TAB2: variants seen among roughly 807,000 people sequenced by gnomAD.
The protein encoded by TAB2 is TGF-beta activated kinase 1 (MAP3K7) binding protein 2, also known as TGF-beta-activated kinase 1 and MAP3K7-binding protein 2.
TAB2 carries 3 observed loss-of-function variants against 65.0 expected under a neutral mutation model. That is an observed-to-expected ratio of 0.05 (90% CI 0.02 to 0.12). The LOEUF (loss-of-function observed/expected upper bound fraction) is 0.12, where lower values mean the gene tolerates loss of function less well. Among genes scored for constraint, TAB2 ranks in the 10% least tolerant of loss-of-function variants. The pLI is 1.00. For missense variants in TAB2, 623 were observed against 840.3 expected, an observed-to-expected ratio of 0.74 and a Z score of 3.20; for synonymous variants, 298 against 285.1, an observed-to-expected ratio of 1.05 and a Z score of -0.46.
At chr6:149,407,872 A>G (rs1312711679) in intron 6 of TAB2, among the ~76,000 whole-genome samples, 1 of 152,082 alleles carries the variant, frequency 6.6e-6, no homozygotes, top group Non-Finnish European at 1.5e-5. Context: ...TAGATCCCTT[A>G]TTGATTGCCT....
At chr6:149,231,942 C>T (rs1562381297) in intron 1 of TAB2, among the ~76,000 whole-genome samples, 1 of 152,176 alleles carries the variant, frequency 6.6e-6, no homozygotes, top group Non-Finnish European at 1.5e-5. Context: ...GCTCCCTACC[C>T]AGAGCAACGG....
At chr6:149,274,839 T>C (rs923881061) in intron 1 of TAB2, among the ~76,000 whole-genome samples, 3 of 152,060 alleles carry the variant, frequency 2.0e-5, no homozygotes, top group Non-Finnish European at 4.4e-5. Context: ...CATAGAGCAT[T>C]AGAACCGAAG....
chr6:149,303,328 C>T (rs1018720752), intron 1 of TAB2, among the ~76,000 whole-genome samples: 15 of 152,348 alleles, frequency 9.8e-5, no homozygotes, highest in Admixed American at 9.8e-4. Context: ...GAAAAACTGT[C>T]TTCCACAAAA....
chr6:149,307,522 C>G (rs987115921), intron 1 of TAB2, among the ~76,000 whole-genome samples: 3 of 152,138 alleles, frequency 2.0e-5, no homozygotes, highest in Non-Finnish European at 4.4e-5. Flanking sequence ...CTCAAGATTT[C>G]TTTTTCTTCA....
chr6:149,309,252 C>T (rs1449498929), intron 1 of TAB2, among the ~76,000 whole-genome samples: 1 of 147,850 alleles, frequency 6.8e-6, no homozygotes, highest in African/African-American at 2.5e-5. Flanking sequence ...ACTTCATGTG[C>T]AAAGCCTTTA....
chr6:149,337,017 A>G (rs1372578575), intron 1 of TAB2, among the ~76,000 whole-genome samples: 1 of 152,176 alleles, frequency 6.6e-6, no homozygotes, highest in Non-Finnish European at 1.5e-5. Flanking sequence ...GACTACAGTA[A>G]TATTAGCAGT....
Position 149,409,588 on chromosome 6 carries a change from A to G in TAB2, c.1951A>G (p.Ile651Val). The change falls in exon 7 of 7, where the codon ATC (isoleucine) becomes GTC (valine). Residue 651 changes from isoleucine to valine, a missense_variant. Transcript: ENST00000637181. ...VPPKPKDQRSIIKTPKTQDTE... is the reference protein window; with the variant it reads ...VPPKPKDQRSVIKTPKTQDTE... ...TTTCTTTCTTACAGATCAAAGGTCC[A>G]TCATCAAAACACCAAAGACTCAAGA... The G allele has an allele frequency of 1.9e-6, 3 of 1,613,908 alleles. No individual in the cohort carries two copies. Among genetic ancestry groups the G allele is most frequent in the Admixed American group, 1.7e-5 (1 of 60,030 alleles).
chr6:149,352,540 A>T (rs1780524805), intron 1 of TAB2, among the ~76,000 whole-genome samples: 2 of 152,040 alleles, frequency 1.3e-5, no homozygotes, highest in African/African-American at 4.8e-5. Flanking sequence ...GAAATTCCAC[A>T]CCCCTTTCCA....
At chr6:149,282,082 C>T (rs1778586737) in intron 1 of TAB2, among the ~76,000 whole-genome samples, 1 of 151,980 alleles carries the variant, frequency 6.6e-6, no homozygotes, top group Non-Finnish European at 1.5e-5. Flanking sequence ...GGAAGAATTG[C>T]TTAAACCTGG....
rs559981081 is a variant in TAB2 at position 149,335,503 on chromosome 6, G to A, written c.-90+17488G>A. ...CCACCTTAGCCTCCCAAGTACCTGG[G>A]ACTACAGACACCAGCCACCATGCCT... is the stretch of plus-strand genomic sequence containing the variant. On this transcript the variant is annotated intron_variant, in intron 1 of 6. Transcript: ENST00000637181. Among the ~76,000 whole-genome samples, 8 of 151,930 alleles carry A rather than the reference G, an allele frequency of 5.3e-5. No homozygotes were observed. The East Asian group carries it at 1.4e-3, about 26-fold the overall frequency.
At chr6:149,361,229 C>T (rs1780839107) in intron 1 of TAB2, among the ~76,000 whole-genome samples, 1 of 152,208 alleles carries the variant, frequency 6.6e-6, no homozygotes, top group Non-Finnish European at 1.5e-5. Flanking sequence ...GAGGGCTCTG[C>T]CCCTGCAGCA....
rs552329150 is a variant in TAB2 at position 149,279,535 on chromosome 6, A to G, written c.-121+60759A>G. On this transcript the variant is annotated intron_variant, in intron 1 of 1. Coordinates refer to the TAB2 transcript ENST00000606202. ...GTCTGACATTGTTTTGCTTGTCACA[A>G]TGGGATTTGGAGGAGGTGCTCCCGG... Among the ~76,000 whole-genome samples, 219 of 152,272 alleles carry G rather than the reference A, an allele frequency of 1.4e-3. 1 individual carries two copies. Among genetic ancestry groups the G allele is most frequent in the Non-Finnish European group, 2.3e-3 (156 of 68,014 alleles).
upstream of TAB2, chr6:149,218,498 G>A (rs1289634824): frequency 6.2e-6 from 1 of 162,200 alleles, no homozygotes; most frequent in Non-Finnish European, 1.4e-5. Context: ...CCAAGTCTTG[G>A]ACTGACACTG....
intron 2 of TAB2, among the ~76,000 whole-genome samples, chr6:149,371,747 A>C (rs1458196084): frequency 1.3e-5 from 2 of 152,236 alleles, no homozygotes; most frequent in Non-Finnish European, 2.9e-5. Context: ...CAATACTAAA[A>C]GGAATAACAA....
intron 1 of TAB2, among the ~76,000 whole-genome samples, chr6:149,349,414 C>T (rs933624643): frequency 1.5e-5 from 2 of 134,096 alleles, no homozygotes; most frequent in African/African-American, 2.8e-5. Context: ...AGTGACACTC[C>T]GTCTCAAAAA....
upstream of TAB2, chr6:149,218,223 C>G (rs1217686895): frequency 1.3e-5 from 2 of 152,222 alleles, no homozygotes; most frequent in South Asian, 4.1e-4. Context: ...TTGTTTGACA[C>G]TACCTAAAAA....
chr6:149,261,487 T>C (rs1778151309), intron 1 of TAB2, among the ~76,000 whole-genome samples: 1 of 152,226 alleles, frequency 6.6e-6, no homozygotes, highest in Non-Finnish European at 1.5e-5. Flanking sequence ...CCAATGATTC[T>C]AAGGTTTCTA....
At chr6:149,400,337 G>C in intron 6 of TAB2, 1 of 1,582,296 alleles carries the variant, frequency 6.3e-7, no homozygotes, top group African/African-American at 1.3e-5. Flanking sequence ...CTCGTTAGGT[G>C]CGGACCCGCC....
At chr6:149,254,014 G>GAAAGAAAGAAAGA in intron 1 of TAB2, among the ~76,000 whole-genome samples, 1 of 135,642 alleles carries the variant, frequency 7.4e-6, no homozygotes, top group Non-Finnish European at 1.6e-5. Flanking sequence ...AAGAAAGAAA[G>GAAAGAAAGAAAGA]AAAGAAAGAA....
Sources: allele counts gnomAD v4.1 joint callset (sites outside exome capture counted in the v4.1 genomes callset), GRCh38; gene constraint gnomAD v4.1.1; transcripts MANE v1.5; gene names NCBI Gene and HGNC (gene_info 2026-07-23, HGNC 2026-07-21).